The following C20orf203 variants were observed in gnomAD, a reference collection of about 807,000 sequenced individuals.
C20orf203 encodes uncharacterized protein C20orf203.
A neutral mutation model predicts 15.9 loss-of-function variants in C20orf203; 16 were observed. The observed-to-expected ratio is 1.01, with a 90% confidence interval of 0.68 to 1.53. The LOEUF is 1.53. Among genes scored for constraint, C20orf203 ranks in the 40% most tolerant of loss-of-function variants. C20orf203 has a pLI of 0.00. For synonymous variants in C20orf203, 98 were observed against 97.2 expected (o/e 1.01, Z -0.05); for missense variants, 263 against 247.5 (o/e 1.06, Z -0.42).
chr20:32,643,686 C>T (rs1392760831), intron 4 of C20orf203, among the ~76,000 whole-genome samples: 1 of 150,010 alleles, frequency 6.7e-6, no homozygotes, highest in Non-Finnish European at 1.5e-5. Flanking sequence ...AAAGTTTCTG[C>T]GAAACCCTGC....
At chr20:32,661,979 A>G (rs1982900536) in intron 1 of C20orf203, among the ~76,000 whole-genome samples, 1 of 152,204 alleles carries the variant, frequency 6.6e-6, no homozygotes, top group Non-Finnish European at 1.5e-5. Context: ...ATGGAGAAAC[A>G]GAGCCACAAA....
At chr20:32,660,230 A>G (rs1982860205) in intron 1 of C20orf203, among the ~76,000 whole-genome samples, 1 of 152,014 alleles carries the variant, frequency 6.6e-6, no homozygotes, top group Non-Finnish European at 1.5e-5. Flanking sequence ...TCTCCAGAGG[A>G]TCTGGGTCCA....
chr20:32,636,481 C>T (rs922886346), intron 5 of C20orf203, among the ~76,000 whole-genome samples: 2 of 152,190 alleles, frequency 1.3e-5, no homozygotes, highest in East Asian at 1.9e-4. Flanking sequence ...CACAGCAAAG[C>T]GCTGGCCTTT....
intron 4 of C20orf203, among the ~76,000 whole-genome samples, chr20:32,648,367 TTCTC>T (rs972313894): frequency 1.3e-5 from 2 of 151,402 alleles, no homozygotes; most frequent in Non-Finnish European, 2.9e-5. Flanking sequence ...CCAATCCCTA[TTCTC>T]TCTGTCTCTT....
chr20:32,642,037 C>T (rs1485650735), intron 4 of C20orf203, among the ~76,000 whole-genome samples: 1 of 152,146 alleles, frequency 6.6e-6, no homozygotes, highest in Non-Finnish European at 1.5e-5. Context: ...GACGGGTTCT[C>T]TCCATGTTAC....
intron 1 of C20orf203, among the ~76,000 whole-genome samples, chr20:32,666,797 T>TTATTTATATATATATATATATATA (rs1983041222): frequency 1.5e-5 from 1 of 65,594 alleles, no homozygotes; most frequent in African/African-American, 4.4e-5. Context: ...TAATTTTAAT[T>TTATTTATATATATATATATATATA]TATATATATA....
At chr20:32,652,543 T>G (rs1982661685) in intron 1 of C20orf203, among the ~76,000 whole-genome samples, 1 of 151,576 alleles carries the variant, frequency 6.6e-6, no homozygotes, top group Non-Finnish European at 1.5e-5. Flanking sequence ...CTGGCTTTTT[T>G]GGGAAGTTCT....
chr20:32,659,384 C>T (rs1982837666), intron 1 of C20orf203, among the ~76,000 whole-genome samples: 1 of 152,236 alleles, frequency 6.6e-6, no homozygotes, highest in African/African-American at 2.4e-5. Context: ...AGCACAAAAA[C>T]ATTATCGCAG....
intron 1 of C20orf203, among the ~76,000 whole-genome samples, chr20:32,670,027 C>A (rs1206735658): frequency 6.6e-6 from 1 of 151,968 alleles, no homozygotes; most frequent in African/African-American, 2.4e-5. Flanking sequence ...GTGCTGAAAC[C>A]TCGTCTCTAC....
intron 1 of C20orf203, among the ~76,000 whole-genome samples, chr20:32,659,616 C>G (rs1443680263): frequency 6.6e-6 from 1 of 152,224 alleles, no homozygotes; most frequent in African/African-American, 2.4e-5. Context: ...GGCTGGACCC[C>G]TCATGGGTGG....
intron 4 of C20orf203, among the ~76,000 whole-genome samples, chr20:32,643,052 G>A (rs1191110507): frequency 6.6e-6 from 1 of 152,184 alleles, no homozygotes; most frequent in African/African-American, 2.4e-5. Flanking sequence ...CTTGTGAAAT[G>A]GAGTCACAGA....
Position 32,633,063 on chromosome 20 carries a change from G to A in C20orf203, c.*2507C>T, listed in dbSNP as rs1982043653. The A allele has an allele frequency of 6.6e-6, 1 of 152,070 alleles. No individual in the cohort carries two copies. Among genetic ancestry groups the A allele is most frequent in the Non-Finnish European group, 1.5e-5 (1 of 68,022 alleles). The allele number at this position is 152,070 out of a possible 1,614,324, so 9.4% of individuals were successfully genotyped here. A position where few individuals can be genotyped will look rare whatever the true frequency, so the allele number is the denominator to read the frequency against. On this transcript the variant is annotated 3_prime_UTR_variant, in exon 6 of 6. Coordinates refer to ENST00000608990, the MANE Select transcript of C20orf203 (RefSeq NM_182584.4). ...TCATGAGAACAGCATGGGGGAAACT[G>A]CCACCATTATTCAATTATCTCTACT...
chr20:32,650,807 CT>C lies in C20orf203; in HGVS notation c.209del (p.Lys70ArgfsTer109), dbSNP rs1982598407. 2.7e-6 allele frequency: 4 copies of C among 1,487,496 alleles called. No homozygotes were observed. Among genetic ancestry groups the C allele is most frequent in the Non-Finnish European group, 3.6e-6 (4 of 1,116,742 alleles). 92.1% of individuals were successfully genotyped at this position (1,487,496 alleles called of 1,614,324 possible). A position where few individuals can be genotyped will look rare whatever the true frequency, so the allele number is the denominator to read the frequency against. On this transcript the variant is annotated frameshift_variant, in exon 4 of 6. Transcript: ENST00000608990. LOFTEE classifies it high-confidence loss of function. ...TGGGCTGGGGGTGGACTCGCTGAGC[CT>C]TTGAGGTCCTCCTTCCCGCCCCACC... ...LGGGAGRRTS[K>X]AQRVHPQPSH...
chr20:32,655,637 A>T (rs568880017), intron 1 of C20orf203, among the ~76,000 whole-genome samples: 45 of 152,172 alleles, frequency 3.0e-4, no homozygotes, highest in African/African-American at 1.1e-3. Context: ...TACTAAAAAT[A>T]TAAAAATTAG....
chr20:32,649,103 C>G lies in C20orf203; in HGVS notation c.*1177+152G>C, dbSNP rs531640907. Among the ~76,000 whole-genome samples the G allele has an allele frequency of 3.9e-5, 6 of 152,328 alleles. No homozygotes were observed. In the South Asian group the frequency reaches 1.2e-3, roughly 32 times the overall value. On this transcript the variant is annotated intron_variant, in intron 4 of 5. Coordinates refer to ENST00000608990, the MANE Select transcript of C20orf203 (RefSeq NM_182584.4). ...AAAGGAGAGGAAAGAATGGCAAAAA[C>G]AGCCAATGACTATCAAGGACTCCTG... is the stretch of plus-strand genomic sequence containing the variant.
chr20:32,642,000 A>C, intron 4 of C20orf203, among the ~76,000 whole-genome samples: 1 of 151,780 alleles, frequency 6.6e-6, no homozygotes, highest in East Asian at 1.9e-4. Flanking sequence ...ACACACCACC[A>C]CGCCTAATTT....
In C20orf203 at chr20:32,633,984, A is replaced by T; in HGVS notation, c.*1586T>A. On this transcript the variant is annotated 3_prime_UTR_variant, in exon 6 of 6. Coordinates refer to ENST00000608990, the MANE Select transcript of C20orf203 (RefSeq NM_182584.4). ...TCCGGACTGTTTCATGCGTTCATTCATGTGTCCAACTCTTCACTCCTTTCC... is the reference window on the plus strand; with the variant it reads ...TCCGGACTGTTTCATGCGTTCATTCTTGTGTCCAACTCTTCACTCCTTTCC... 2.5e-6 allele frequency: 1 copy of T among 398,586 alleles called. No homozygotes were observed. Among genetic ancestry groups the T allele is most frequent in the Non-Finnish European group, 4.4e-6 (1 of 226,080 alleles). The allele number at this position is 398,586 out of a possible 1,614,324, so 24.7% of individuals were successfully genotyped here.
At chr20:32,635,603 C>T (rs1982117581) in intron 5 of C20orf203, among the ~76,000 whole-genome samples, 1 of 151,188 alleles carries the variant, frequency 6.6e-6, no homozygotes, top group Non-Finnish European at 1.5e-5. Flanking sequence ...ATTGCTTGAG[C>T]CCAGGAGTTC....
At chr20:32,636,113 T>G (rs1195008088) in intron 5 of C20orf203, among the ~76,000 whole-genome samples, 1 of 152,082 alleles carries the variant, frequency 6.6e-6, no homozygotes, top group Non-Finnish European at 1.5e-5. Flanking sequence ...GAACAACGGG[T>G]GTGCATGCCC....
Sources: gnomAD v4.1 joint callset for allele counts (sites outside exome capture counted in the v4.1 genomes callset) on GRCh38, gnomAD v4.1.1 for gene constraint, MANE v1.5 for transcripts, NCBI Gene and HGNC (gene_info 2026-07-23, HGNC 2026-07-21) for gene names.